Variants in GREB1L observed in about 807,000 individuals in gnomAD.
GREB1L encodes the protein GREB1-like protein.
In GREB1L, 17 loss-of-function variants were observed where a neutral mutation model predicts 200.8. The observed-to-expected ratio is 0.08, with a 90% CI of 0.06 to 0.13. The LOEUF is 0.13. Ranked by LOEUF, GREB1L falls within the 10% of genes least tolerant of loss-of-function variation. The pLI is 1.00. For missense variants in GREB1L, 1,657 were observed against 2,367.7 expected, an observed-to-expected ratio of 0.70 and a Z score of 6.23; for synonymous variants, 789 against 893.0, an observed-to-expected ratio of 0.88 and a Z score of 2.08.
At chr18:21,278,574 G>A (rs950816936) in intron 1 of GREB1L, among the ~76,000 whole-genome samples, 2 of 151,764 alleles carry the variant, frequency 1.3e-5, no homozygotes, top group Admixed American at 6.6e-5. Context: ...AAGTGTTCTG[G>A]GTGTAAAATG....
At chr18:21,422,179 C>G (rs1480134156) in intron 7 of GREB1L, among the ~76,000 whole-genome samples, 1 of 152,168 alleles carries the variant, frequency 6.6e-6, no homozygotes, top group Non-Finnish European at 1.5e-5. Flanking sequence ...AAATCAGCTA[C>G]TTACTCACTA....
rs547523999 is a variant in GREB1L at position 21,469,819 on chromosome 18, A to G, written c.2183-3212A>G. On this transcript the variant is annotated intron_variant, in intron 15 of 32. Coordinates refer to ENST00000424526, the MANE Select transcript of GREB1L (RefSeq NM_001142966.3). The stretch of plus-strand genomic sequence containing the variant: ...TTCTTTGACTTTTTTTCTGGTAATT[A>G]CACAATTACTAACTCATACTTCTGT... 1.1e-4 allele frequency among the ~76,000 whole-genome samples: 16 copies of G among 152,252 alleles called. No homozygotes were observed. The South Asian group carries it at 3.3e-3, about 32-fold the overall frequency.
At chr18:21,371,558 T>G (rs1211177322) in intron 2 of GREB1L, among the ~76,000 whole-genome samples, 3 of 149,104 alleles carry the variant, frequency 2.0e-5, no homozygotes, top group Non-Finnish European at 4.4e-5. Flanking sequence ...GAGGCTGAGG[T>G]GGGCGGATCA....
intron 29 of GREB1L, 54 bp from the exon 30 acceptor site, chr18:21,516,559 A>C: frequency 6.7e-7 from 1 of 1,499,848 alleles, no homozygotes; most frequent in South Asian, 1.2e-5. Flanking sequence ...GTGTATAGTT[A>C]TCATGGTTGA....
At chr18:21,418,616 T>C (rs1402513478) in intron 7 of GREB1L, among the ~76,000 whole-genome samples, 2 of 152,138 alleles carry the variant, frequency 1.3e-5, no homozygotes, top group Non-Finnish European at 2.9e-5. Context: ...CTCCGCCTCC[T>C]GGGTTCAAGC....
intron 1 of GREB1L, among the ~76,000 whole-genome samples, chr18:21,341,300 G>A (rs1232893766): frequency 6.6e-6 from 1 of 152,212 alleles, no homozygotes; most frequent in Non-Finnish European, 1.5e-5. Flanking sequence ...AGACAGGAGA[G>A]GCCACAGCAT....
At chr18:21,490,782 A>G (rs984996713) in intron 19 of GREB1L, among the ~76,000 whole-genome samples, 1 of 152,174 alleles carries the variant, frequency 6.6e-6, no homozygotes, top group Non-Finnish European at 1.5e-5. Flanking sequence ...CTGTGAGCTC[A>G]TGTCTAGAGT....
intron 21 of GREB1L, among the ~76,000 whole-genome samples, chr18:21,499,408 G>A (rs1463635189): frequency 6.6e-6 from 1 of 152,132 alleles, no homozygotes; most frequent in Non-Finnish European, 1.5e-5. Context: ...ACACAGGGAG[G>A]GGTGGGAGCA....
chr18:21,512,506 G>A (rs2037277584), intron 27 of GREB1L, among the ~76,000 whole-genome samples: 1 of 152,150 alleles, frequency 6.6e-6, no homozygotes, highest in Non-Finnish European at 1.5e-5. Context: ...TGATTTTGGT[G>A]TTGATTTTGC....
At chr18:21,366,735 C>T (rs2039693279) in intron 2 of GREB1L, among the ~76,000 whole-genome samples, 1 of 150,942 alleles carries the variant, frequency 6.6e-6, no homozygotes, top group Non-Finnish European at 1.5e-5. Context: ...TGTTTCTCTC[C>T]TTTTGGAAGT....
At chr18:21,502,710 C>T (rs139410283) in intron 23 of GREB1L, among the ~76,000 whole-genome samples, 4 of 152,256 alleles carry the variant, frequency 2.6e-5, no homozygotes, top group African/African-American at 9.6e-5. Flanking sequence ...CCTCAAAACA[C>T]CCCAAGGCCC....
chr18:21,280,836 C>G (rs1326196196), intron 1 of GREB1L, among the ~76,000 whole-genome samples: 2 of 152,146 alleles, frequency 1.3e-5, no homozygotes, highest in Non-Finnish European at 2.9e-5. Flanking sequence ...CTTTCTCGCT[C>G]TTTCACTGAG....
chr18:21,249,533 G>A (rs1295731156), intron 1 of GREB1L, among the ~76,000 whole-genome samples: 1 of 152,156 alleles, frequency 6.6e-6, no homozygotes, highest in African/African-American at 2.4e-5. Flanking sequence ...CTGTTGTTAA[G>A]TGCTGGGGAT....
chr18:21,416,553 G>A (rs571061161), intron 7 of GREB1L, among the ~76,000 whole-genome samples: 24 of 152,136 alleles, frequency 1.6e-4, no homozygotes, highest in African/African-American at 3.6e-4. Flanking sequence ...TTAGCCGGGC[G>A]TGGTGGCGGG....
intron 2 of GREB1L, chr18:21,380,522 G>C (rs1026261226): frequency 6.6e-6 from 1 of 152,196 alleles, no homozygotes; most frequent in Non-Finnish European, 1.5e-5. Flanking sequence ...GTCTTGAAAT[G>C]AGATTTATCC....
Position 21,395,684 on chromosome 18 carries a change from G to T in GREB1L, c.532+123G>T. 5 of 611,854 alleles carry T rather than the reference G, an allele frequency of 8.2e-6. No homozygotes were observed. The South Asian group carries it at 8.3e-5, about 10-fold the overall frequency. 37.9% of individuals were successfully genotyped at this position (611,854 alleles called of 1,614,324 possible). ...GATTATTTGGGGATTATATAGTTTA[G>T]TTCAATTATGAGACATTTTTTCTTT... On this transcript the variant is annotated intron_variant, in intron 5 of 32. Transcript: ENST00000424526.
At chr18:21,246,403 CTATG>C (rs1346617758) in intron 1 of GREB1L, among the ~76,000 whole-genome samples, 2 of 152,152 alleles carry the variant, frequency 1.3e-5, no homozygotes, top group Non-Finnish European at 2.9e-5. Flanking sequence ...CATTAACAAT[CTATG>C]TGTGTGCTTA....
chr18:21,433,483 A>G (rs1256204623), intron 7 of GREB1L, among the ~76,000 whole-genome samples: 5 of 152,208 alleles, frequency 3.3e-5, no homozygotes, highest in African/African-American at 1.2e-4. Context: ...TAGCAAACTT[A>G]ACTCGGATTC....
intron 1 of GREB1L, among the ~76,000 whole-genome samples, chr18:21,289,557 G>A (rs1404140935): frequency 6.6e-6 from 1 of 151,976 alleles, no homozygotes; most frequent in African/African-American, 2.4e-5. Context: ...CAAAAAAAAG[G>A]CTTTCTGGTC....
Sources: gnomAD v4.1 joint callset for allele counts (sites outside exome capture counted in the v4.1 genomes callset) on GRCh38, gnomAD v4.1.1 for gene constraint, MANE v1.5 for transcripts, NCBI Gene and HGNC (gene_info 2026-07-23, HGNC 2026-07-21) for gene names.